The following HAVCR1 variants were observed in gnomAD, a reference collection of about 807,000 sequenced individuals.
HAVCR1 encodes hepatitis A virus cellular receptor 1, also known as T cell immunoglobin domain and mucin domain protein 1.
Under a neutral mutation model 32.0 loss-of-function variants are expected in HAVCR1, and 34 were observed. The observed-to-expected ratio is 1.06, with a 90% CI of 0.81 to 1.42. The LOEUF (loss-of-function observed/expected upper bound fraction) is 1.42, where lower values mean the gene tolerates loss of function less well. HAVCR1 is among the 40% of genes most tolerant of loss of function. HAVCR1 has a pLI of 0.00. For missense variants in HAVCR1, 420 were observed against 442.3 expected (o/e 0.95, Z 0.45); for synonymous variants, 178 against 170.3 (o/e 1.05, Z -0.35).
At chr5:157,038,006 C>CGAAAAAAA (rs1554089315) in intron 6 of HAVCR1, among the ~76,000 whole-genome samples, 1 of 151,008 alleles carries the variant, frequency 6.6e-6, no homozygotes, top group Non-Finnish European at 1.5e-5. Flanking sequence ...GACTCCATCT[C>CGAAAAAAA]GAAAAAAAGA....
intron 5 of HAVCR1, among the ~76,000 whole-genome samples, chr5:157,043,629 C>T (rs1223933477): frequency 6.6e-6 from 1 of 152,190 alleles, no homozygotes; most frequent in East Asian, 1.9e-4. Context: ...GATGGCACCA[C>T]TGCACTCCAG....
chr5:157,040,726 T>C (rs551241203), intron 6 of HAVCR1, among the ~76,000 whole-genome samples: 1 of 151,924 alleles, frequency 6.6e-6, no homozygotes, highest in South Asian at 2.1e-4. Flanking sequence ...GTGGTGAAAT[T>C]CCATCTCTAC....
At chr5:157,044,627 A>AAGAAAGAAAGAAAGAAG (rs1755227580) in intron 5 of HAVCR1, among the ~76,000 whole-genome samples, 2 of 61,594 alleles carry the variant, frequency 3.2e-5, no homozygotes, top group South Asian at 1.5e-3. Context: ...GAAAGAAAGA[A>AAGAAAGAAAGAAAGAAG]AGAAAGAAAG....
chr5:157,040,689 C>T (rs1285978913), intron 6 of HAVCR1, among the ~76,000 whole-genome samples: 2 of 152,190 alleles, frequency 1.3e-5, no homozygotes, highest in Non-Finnish European at 2.9e-5. Context: ...CACCTGAGGT[C>T]AGGAGTTCCA....
chr5:157,039,709 A>G (rs556932083), intron 6 of HAVCR1, among the ~76,000 whole-genome samples: 2 of 152,348 alleles, frequency 1.3e-5, no homozygotes, highest in South Asian at 4.1e-4. Flanking sequence ...CCTTACTATT[A>G]AACATTTAGG....
chr5:157,049,193 T>A (rs1363746750), intron 4 of HAVCR1, 48 bp from the exon 5 acceptor site: 1 of 1,137,870 alleles, frequency 8.8e-7, no homozygotes, highest in Non-Finnish European at 1.3e-6. Flanking sequence ...GAGGAAAATG[T>A]GCACCCCAAG....
chr5:157,063,565 G>A (rs978642830), upstream of HAVCR1, among the ~76,000 whole-genome samples: 5 of 152,180 alleles, frequency 3.3e-5, no homozygotes, highest in African/African-American at 1.2e-4. Flanking sequence ...GATTATAGGC[G>A]TGAGCACCAC....
At chr5:157,047,749 T>G (rs1002942940) in intron 5 of HAVCR1, among the ~76,000 whole-genome samples, 10 of 152,166 alleles carry the variant, frequency 6.6e-5, no homozygotes, top group African/African-American at 2.2e-4. Flanking sequence ...TTCCCTGAGT[T>G]CTGGAAGCCA....
intron 5 of HAVCR1, among the ~76,000 whole-genome samples, chr5:157,048,212 A>T (rs1755522607): frequency 6.6e-6 from 1 of 152,190 alleles, no homozygotes; most frequent in Non-Finnish European, 1.5e-5. Context: ...TGTCAGAAGC[A>T]TAGGGTCTGG....
intron 8 of HAVCR1, among the ~76,000 whole-genome samples, chr5:157,031,379 A>G (rs1319781880): frequency 6.6e-6 from 1 of 152,216 alleles, no homozygotes; most frequent in Non-Finnish European, 1.5e-5. Context: ...AGTAAGAGGG[A>G]TAGATTCTGA....
intron 4 of HAVCR1, among the ~76,000 whole-genome samples, chr5:157,051,818 A>T: frequency 6.6e-6 from 1 of 152,238 alleles, no homozygotes; most frequent in East Asian, 1.9e-4. Flanking sequence ...ACTCTGTCTC[A>T]GTTCTAACAA....
intron 4 of HAVCR1, among the ~76,000 whole-genome samples, chr5:157,051,013 G>C (rs1755702229): frequency 1.3e-5 from 2 of 152,176 alleles, no homozygotes; most frequent in Non-Finnish European, 2.9e-5. Context: ...ATGGATTTCT[G>C]AGGGCTTTGA....
chr5:157,033,435 C>T (rs1754294336), intron 7 of HAVCR1, among the ~76,000 whole-genome samples: 2 of 152,064 alleles, frequency 1.3e-5, no homozygotes, highest in African/African-American at 2.4e-5. Context: ...AAAGTGAGAG[C>T]ACCTGGGGAG....
In HAVCR1 at chr5:157,052,609, G is replaced by C. The variant is rs150731397; in HGVS notation, c.425C>G (p.Thr142Arg). ...AACAGTGGTGCTCGTTCGAACAGTC[G>C]TGACGGTTGGAACAGTTGTGACAAT... ...TPIVTTVPTV[T>R]TVRTSTTVPT... The change falls in exon 4 of 9, where the codon ACG becomes AGG. Residue 142 changes from threonine (T) to arginine (R), a missense_variant. Physicochemically the swap from Thr to Arg is moderately conservative, Grantham distance 71. Transcript: ENST00000523175. 1.7e-4 allele frequency: 267 copies of C among 1,613,074 alleles called. 5 individuals carry two copies. The Admixed American group carries it at 4.4e-3, about 27-fold the overall frequency.
rs768979845 is a variant in HAVCR1 at position 157,052,502 on chromosome 5, C to T, written c.532G>A (p.Val178Ile). ...GTTGAAACAGTCATTGTCGTCAGAACAGTCGTTGTCGTTGGAATGCTCATT... is the reference window on the plus strand; with the variant it reads ...GTTGAAACAGTCATTGTCGTCAGAATAGTCGTTGTCGTTGGAATGCTCATT... The part of the protein sequence containing the change: ...TTMSIPTTTT[V>I]LTTMTVSTTT... The change falls in exon 4 of 9, where the codon GTT becomes ATT. Residue 178 changes from valine (V) to isoleucine (I), a missense_variant. By Grantham distance (29) the Val-to-Ile change is conservative (BLOSUM62 3). Coordinates refer to ENST00000523175, the MANE Select transcript of HAVCR1 (RefSeq NM_001173393.3). 1.9e-6 allele frequency: 3 copies of T among 1,600,514 alleles called. No homozygotes were observed. Among genetic ancestry groups the T allele is most frequent in the South Asian group, 1.1e-5 (1 of 89,608 alleles).
At chr5:157,044,605 A>G (rs1296749427) in intron 5 of HAVCR1, among the ~76,000 whole-genome samples, 1 of 84,286 alleles carries the variant, frequency 1.2e-5, no homozygotes, top group African/African-American at 6.8e-5. Context: ...GAAAGAAAGA[A>G]AGAAAGAAAG....
At chr5:157,036,012 G>C (rs1198820106) in intron 7 of HAVCR1, among the ~76,000 whole-genome samples, 1 of 152,094 alleles carries the variant, frequency 6.6e-6, no homozygotes, top group East Asian at 1.9e-4. Context: ...AGGGGCTCTG[G>C]AACCAATCCC....
intron 2 of HAVCR1, among the ~76,000 whole-genome samples, chr5:157,056,582 A>C (rs375772845): frequency 4.0e-5 from 6 of 151,290 alleles, no homozygotes; most frequent in African/African-American, 9.7e-5. Context: ...GGGTTTCACC[A>C]TGTTAGCCAG....
rs1053874657 is a variant in HAVCR1, at chr5:157,051,159, T to C, written c.673+1202A>G. Among the ~76,000 whole-genome samples the C allele has an allele frequency of 3.9e-5, 6 of 152,306 alleles. No individual in the cohort carries two copies. The East Asian group carries it at 1.2e-3, about 29-fold the overall frequency. On this transcript the variant is annotated intron_variant, in intron 4 of 8. Coordinates refer to ENST00000523175, the MANE Select transcript of HAVCR1 (RefSeq NM_001173393.3). Reference sequence around the variant, plus strand: ...TTTGTATTAAATCTAATGTCTTATTTACAGGGAATTTGAAGTATCAACTAT... The same window carrying C: ...TTTGTATTAAATCTAATGTCTTATTCACAGGGAATTTGAAGTATCAACTAT...
Sources: gnomAD v4.1 joint callset for allele counts (sites outside exome capture counted in the v4.1 genomes callset) on GRCh38, gnomAD v4.1.1 for gene constraint, MANE v1.5 for transcripts, NCBI Gene and HGNC (gene_info 2026-07-23, HGNC 2026-07-21) for gene names.